The following ARFGAP2 variants were observed in gnomAD, a reference collection of about 807,000 sequenced individuals.
The protein encoded by ARFGAP2 is ADP-ribosylation factor GTPase-activating protein 2.
In ARFGAP2, 45 loss-of-function variants were observed where a neutral mutation model predicts 71.9. That is an observed-to-expected ratio of 0.63 (90% confidence interval 0.49 to 0.80). ARFGAP2 has a LOEUF of 0.80. ARFGAP2 is among the 30% of genes least tolerant of loss of function. The pLI, the probability that ARFGAP2 is intolerant of heterozygous loss-of-function variation, is 0.00. For missense variants in ARFGAP2, 633 were observed against 673.9 expected (o/e 0.94, Z 0.67); for synonymous variants, 248 against 249.2 (o/e 1.00, Z 0.05).
In ARFGAP2 at chr11:47,175,464, T is replaced by C; in HGVS notation, c.265-151A>G. ...ACACCGGTTTTTCAGAGATAAAGTT[T>C]CTCGAAATTCCTGCAAAAAACACCT... On this transcript the variant is annotated intron_variant, in intron 3 of 15. Coordinates refer to ENST00000524782, the MANE Select transcript of ARFGAP2 (RefSeq NM_032389.6). The C allele has an allele frequency of 1.0e-5, 13 of 1,283,686 alleles. No individual in the cohort carries two copies. The South Asian group carries it at 1.6e-4, about 16-fold the overall frequency. The allele number at this position is 1,283,686 out of a possible 1,614,324, so 79.5% of individuals were successfully genotyped here. A position where few individuals can be genotyped will look rare whatever the true frequency, so the allele number is the denominator to read the frequency against.
intron 15 of ARFGAP2, among the ~76,000 whole-genome samples, chr11:47,165,845 G>A (rs1952347653): frequency 6.6e-6 from 1 of 152,034 alleles, no homozygotes; most frequent in African/African-American, 2.4e-5. Flanking sequence ...CCAAGAAAAT[G>A]CCTCTCTCTA....
At chr11:47,172,407 G>A in intron 7 of ARFGAP2, 74 bp from the exon 8 acceptor site, 1 of 1,523,868 alleles carries the variant, frequency 6.6e-7, no homozygotes, top group Non-Finnish European at 9.1e-7. Context: ...ACACCATGCA[G>A]CTTCATGGCA....
Position 47,176,623 on chromosome 11 carries a change from G to C in ARFGAP2, c.84C>G (p.Asp28Glu). The change falls in exon 2 of 16, where the codon GAC becomes GAG. Residue 28 changes from aspartate to glutamate, a missense_variant. Physicochemically the swap from Asp to Glu is conservative, Grantham distance 45. Coordinates refer to ENST00000524782, the MANE Select transcript of ARFGAP2 (RefSeq NM_032389.6). The stretch of plus-strand genomic sequence containing the variant: ...CCCAACTCGGATTCTTGGCGCCGCA[G>C]TCGAAACAGGCCTGGGTGGAGGCGG... ...RAVPTNKACF[D>E]CGAKNPSWAS... is the part of the protein sequence containing the mutation. 1 of 1,614,104 alleles carries C rather than the reference G, an allele frequency of 6.2e-7. No individual in the cohort carries two copies. Among genetic ancestry groups the C allele is most frequent in the East Asian group, 2.2e-5 (1 of 44,876 alleles).
rs1952758516 is a variant in ARFGAP2 at position 47,175,295 on chromosome 11, G to A, written c.283C>T (p.His95Tyr). ...TTGGCATCATTGGCTGTGCATCCAT[G>A]TTGGCGAAAAAAAGCCGTCTGGAGA... ...NANATAFFRQ[H>Y]GCTANDANTK... Residue 95 changes from histidine to tyrosine, a missense_variant, in exon 4 of 16, where the codon CAT (histidine) becomes TAT (tyrosine). His to Tyr is a moderately conservative substitution (Grantham distance 83). Transcript: ENST00000524782. 2 of 1,614,110 alleles carry A rather than the reference G, an allele frequency of 1.2e-6. No individual in the cohort carries two copies. The highest frequency in any genetic ancestry group is 8.5e-7 in the Non-Finnish European group (1 of 1,180,024).
intron 13 of ARFGAP2, 50 bp from the exon 14 acceptor site, chr11:47,166,649 A>C (rs1356651553): frequency 1.2e-6 from 2 of 1,606,366 alleles, no homozygotes; most frequent in Admixed American, 3.4e-5. Flanking sequence ...TGATGACCCA[A>C]GGACTCACAC....
Position 47,165,450 on chromosome 11 carries a change from C to A in ARFGAP2, c.*32G>T. 6.4e-7 allele frequency: 1 copy of A among 1,566,842 alleles called. No individual in the cohort carries two copies. The highest frequency in any genetic ancestry group is 1.2e-5 in the South Asian group (1 of 84,866). On this transcript the variant is annotated 3_prime_UTR_variant, in exon 16 of 16. Coordinates refer to ENST00000524782, the MANE Select transcript of ARFGAP2 (RefSeq NM_032389.6). ...GGAACTGTGGAGTTCTTGTTGCCGT[C>A]ACCATCGTAAGCCTGAGTCACAGAG...
At chr11:47,170,429 T>G (rs1952554240) in intron 10 of ARFGAP2, among the ~76,000 whole-genome samples, 1 of 151,860 alleles carries the variant, frequency 6.6e-6, no homozygotes, top group Non-Finnish European at 1.5e-5. Flanking sequence ...GTGGATCACT[T>G]GAGGTCAAGA....
intron 12 of ARFGAP2, among the ~76,000 whole-genome samples, chr11:47,167,294 C>A (rs946238848): frequency 6.6e-6 from 1 of 152,156 alleles, no homozygotes; most frequent in African/African-American, 2.4e-5. Context: ...AGCAAACTGC[C>A]CCCTTTACTC....
chr11:47,171,871 G>T, intron 8 of ARFGAP2, 71 bp from the exon 9 acceptor site: 8 of 1,573,826 alleles, frequency 5.1e-6, no homozygotes, highest in Non-Finnish European at 3.4e-6. Context: ...TTCAGGCACT[G>T]TAGCCACACC....
Position 47,168,002 on chromosome 11 carries a change from G to A in ARFGAP2, c.1112C>T (p.Ser371Phe). The change falls in exon 12 of 16, where the codon TCC becomes TTC. Residue 371 changes from serine to phenylalanine, a missense_variant. Transcript: ENST00000524782. The part of the protein sequence containing the change: ...NPFSLGESFG[S>F]RWDTDAAWGM... ...CCAGGCAGCATCTGTATCCCAGCGG[G>A]AGCCAAAGCTTTCCCCTAAGGAAAA... The A allele has an allele frequency of 2.5e-6, 4 of 1,614,164 alleles. No individual in the cohort carries two copies. Among genetic ancestry groups the A allele is most frequent in the Non-Finnish European group, 3.4e-6 (4 of 1,180,040 alleles).
At chr11:47,173,401 C>T (rs998081711) in intron 7 of ARFGAP2, 25 bp downstream of exon 7, 9 of 1,551,980 alleles carry the variant, frequency 5.8e-6, no homozygotes, top group Non-Finnish European at 7.0e-6. Context: ...CCAGACACCC[C>T]ACGCCTGCCC....
chr11:47,166,949 G>C, intron 12 of ARFGAP2, 63 bp from the exon 13 acceptor site: 1 of 1,570,702 alleles, frequency 6.4e-7, no homozygotes, highest in Non-Finnish European at 8.6e-7. Context: ...GCAGAGTACA[G>C]AGGCCAAACA....
Position 47,165,447 on chromosome 11 carries a change from C to A in ARFGAP2, c.*35G>T, listed in dbSNP as rs371258045. 2 of 1,567,252 alleles carry A rather than the reference C, an allele frequency of 1.3e-6. No homozygotes were observed. The highest frequency in any genetic ancestry group is 2.4e-5 in the South Asian group (2 of 84,956). On this transcript the variant is annotated 3_prime_UTR_variant, in exon 16 of 16. Transcript: ENST00000524782. ...CTGGGAACTGTGGAGTTCTTGTTGC[C>A]GTCACCATCGTAAGCCTGAGTCACA...
In ARFGAP2 at chr11:47,175,024, T is replaced by C. The variant is rs1244373231; in HGVS notation, c.471A>G (p.Glu157=). ...PEKKDSDFFT[E]HTQPPAWDAP... ...CCTTGTGGGCACTCACTTGAGTGTGTTCTGTGAAGAAATCAGAGTCCTTCT... is the reference window on the plus strand; with the variant it reads ...CCTTGTGGGCACTCACTTGAGTGTGCTCTGTGAAGAAATCAGAGTCCTTCT... The change falls in exon 5 of 16, where the codon GAA becomes GAG. Residue 157 remains glutamate, a synonymous_variant. Coordinates refer to ENST00000524782, the MANE Select transcript of ARFGAP2 (RefSeq NM_032389.6). 6.2e-7 allele frequency: 1 copy of C among 1,614,172 alleles called. No individual in the cohort carries two copies. The highest frequency in any genetic ancestry group is 8.5e-7 in the Non-Finnish European group (1 of 1,180,022).
At chr11:47,176,251 C>T in intron 2 of ARFGAP2, 1 of 589,238 alleles carries the variant, frequency 1.7e-6, no homozygotes, top group Non-Finnish European at 3.0e-6. Flanking sequence ...AGGTCAATGC[C>T]TCCCTTTCCC....
chr11:47,175,419 C>T (rs1176526372), intron 3 of ARFGAP2, 106 bp from the exon 4 acceptor site: 5 of 1,519,154 alleles, frequency 3.3e-6, no homozygotes, highest in Non-Finnish European at 4.6e-6. Context: ...ATTATCTATA[C>T]AGGATGATAC....
Position 47,166,554 on chromosome 11 carries a change from T to C in ARFGAP2, c.1378A>G (p.Ile460Val), listed in dbSNP as rs950254352. Residue 460 changes from isoleucine (I) to valine (V), a missense_variant, in exon 14 of 16, where the codon ATC becomes GTC. Ile to Val is a conservative substitution (Grantham distance 29). Transcript: ENST00000524782. ...RLQQLSGSSA[I>V]SSSDLFGDMD... ...TCCCCAAAGAGGTCTGAAGAGCTGA[T>C]GGCACTGCTGCCTGAGAGCTGCTGC... 4 of 1,612,542 alleles carry C rather than the reference T, an allele frequency of 2.5e-6. No homozygotes were observed. The highest frequency in any genetic ancestry group is 3.4e-6 in the Non-Finnish European group (4 of 1,180,022).
intron 7 of ARFGAP2, 23 bp from the exon 8 acceptor site, chr11:47,172,356 T>A: frequency 6.2e-7 from 1 of 1,614,036 alleles, no homozygotes; most frequent in Non-Finnish European, 8.5e-7. Context: ...CGGGTAGGCA[T>A]GAGCTAAGAC....
intron 8 of ARFGAP2, 130 bp downstream of exon 8, chr11:47,172,151 G>A (rs919855804): frequency 1.1e-6 from 1 of 944,828 alleles, no homozygotes; most frequent in Non-Finnish European, 1.6e-6. Context: ...CCCTTTCACA[G>A]GCGAGGTTCG....
Sources: allele counts gnomAD v4.1 joint callset (sites outside exome capture counted in the v4.1 genomes callset), GRCh38; gene constraint gnomAD v4.1.1; transcripts MANE v1.5; gene names NCBI Gene and HGNC (gene_info 2026-07-23, HGNC 2026-07-21).